Variants in NBEA observed in about 807,000 individuals in gnomAD.
NBEA encodes the protein neurobeachin.
Under a neutral mutation model 343.4 loss-of-function variants are expected in NBEA, and 44 were observed. The ratio of observed to expected loss-of-function variants is 0.13; its 90% confidence interval spans 0.10 to 0.16. NBEA has a LOEUF of 0.16. Ranked by LOEUF, NBEA falls within the 10% of genes least tolerant of loss-of-function variation. The pLI, the probability that NBEA is intolerant of heterozygous loss-of-function variation, is 1.00. For missense variants in NBEA, 2,555 were observed against 3,631.3 expected (o/e 0.70, Z 7.62); for synonymous variants, 1,175 against 1,238.7 (o/e 0.95, Z 1.08).
At chr13:35,598,884 C>G (rs528858743) in intron 47 of NBEA, among the ~76,000 whole-genome samples, 3 of 152,278 alleles carry the variant, frequency 2.0e-5, no homozygotes, top group Admixed American at 6.5e-5. Flanking sequence ...AGAGAGTGTT[C>G]TAGGCCCTTC....
intron 41 of NBEA, among the ~76,000 whole-genome samples, chr13:35,501,096 A>G (rs1428284718): frequency 6.6e-6 from 1 of 152,116 alleles, no homozygotes; most frequent in Non-Finnish European, 1.5e-5. Context: ...TTTATCTAAA[A>G]TAACACTTTC....
At chr13:35,414,357 T>C (rs1566096231) in intron 38 of NBEA, among the ~76,000 whole-genome samples, 1 of 152,138 alleles carries the variant, frequency 6.6e-6, no homozygotes, top group Non-Finnish European at 1.5e-5. Context: ...ATTAGGTATA[T>C]CTCCTAATGC....
intron 48 of NBEA, among the ~76,000 whole-genome samples, chr13:35,609,034 T>A (rs1015101861): frequency 1.3e-5 from 2 of 152,202 alleles, no homozygotes; most frequent in Non-Finnish European, 2.9e-5. Flanking sequence ...TAATTGTCAA[T>A]CCAGACCTTA....
chr13:35,304,333 G>C (rs9543914), intron 35 of NBEA, among the ~76,000 whole-genome samples: 49,624 of 116,652 alleles, frequency 0.43, 8,290 homozygotes, highest in Middle Eastern at 0.6. Flanking sequence ...GCAATTCTCT[G>C]TGTGTGTGTG....
intron 11 of NBEA, among the ~76,000 whole-genome samples, chr13:35,105,559 T>C (rs1169064304): frequency 6.6e-6 from 1 of 152,030 alleles, no homozygotes; most frequent in African/African-American, 2.4e-5. Context: ...TTTCTGTCAA[T>C]TACTGAGCAA....
chr13:35,299,279 A>G (rs891686781), intron 35 of NBEA, among the ~76,000 whole-genome samples: 6 of 152,156 alleles, frequency 3.9e-5, no homozygotes, highest in Admixed American at 3.9e-4. Context: ...CAAAACTTTT[A>G]TGATGGATTG....
chr13:35,521,201 CATT>C (rs1171689611), intron 41 of NBEA, among the ~76,000 whole-genome samples: 3 of 151,760 alleles, frequency 2.0e-5, no homozygotes, highest in Admixed American at 6.6e-5. Context: ...ATATTATAGT[CATT>C]ACTATTAATT....
chr13:35,476,660 A>T (rs550316044), intron 41 of NBEA: 1 of 585,136 alleles, frequency 1.7e-6, no homozygotes, highest in Non-Finnish European at 2.6e-6. Flanking sequence ...GCGTGTGTAT[A>T]TGTCAGAAGA....
chr13:35,404,006 A>G (rs933573576), intron 38 of NBEA, among the ~76,000 whole-genome samples: 4 of 112,968 alleles, frequency 3.5e-5, no homozygotes, highest in Non-Finnish European at 8.2e-5. Flanking sequence ...AAAAATGCTC[A>G]TCATCACTGG....
chr13:35,254,611 C>G (rs551413945), intron 34 of NBEA, among the ~76,000 whole-genome samples: 1 of 151,880 alleles, frequency 6.6e-6, no homozygotes, highest in Non-Finnish European at 1.5e-5. Context: ...CATGAGCCAC[C>G]GTGCCAGGCC....
At position 35,048,670 on chromosome 13, in the gene NBEA, A is replaced by T; in HGVS notation, c.831A>T (p.Lys277Asn). Residue 277 changes from lysine (K) to asparagine (N), a missense_variant, in exon 5 of 59, where the codon AAA (lysine) becomes AAT (asparagine). Physicochemically the swap from Lys to Asn is moderately conservative, Grantham distance 94. Coordinates refer to ENST00000379939, the MANE Select transcript of NBEA (RefSeq NM_001385012.1). ...ATAATATTAATGTTGATAAGGATAAACCTTATCTTTATTGGTAAGTAATAT... is the reference window on the plus strand; with the variant it reads ...ATAATATTAATGTTGATAAGGATAATCCTTATCTTTATTGGTAAGTAATAT... ...PLNNINVDKD[K>N]PYLYCFRTSK... 7.4e-7 allele frequency: 1 copy of T among 1,345,022 alleles called. No individual in the cohort carries two copies. The highest frequency in any genetic ancestry group is 1.0e-6 in the Non-Finnish European group (1 of 957,022). 83.3% of individuals were successfully genotyped at this position (1,345,022 alleles called of 1,614,324 possible).
At chr13:35,352,980 T>C (rs2040270557) in intron 38 of NBEA, among the ~76,000 whole-genome samples, 3 of 152,180 alleles carry the variant, frequency 2.0e-5, no homozygotes, top group Admixed American at 2.0e-4. Context: ...GTGAAACAGG[T>C]CACTATATTT....
intron 38 of NBEA, among the ~76,000 whole-genome samples, chr13:35,371,040 ATTCT>A: frequency 6.6e-6 from 1 of 151,928 alleles, no homozygotes; most frequent in South Asian, 2.1e-4. Context: ...TGTTTTTTGA[ATTCT>A]TTCTTTGTCT....
intron 33 of NBEA, among the ~76,000 whole-genome samples, chr13:35,227,257 C>T (rs2074707921): frequency 6.6e-6 from 1 of 151,888 alleles, no homozygotes; most frequent in South Asian, 2.1e-4. Flanking sequence ...TACATTTACT[C>T]ATCAGCTATT....
chr13:35,024,770 C>G (rs951204473), intron 1 of NBEA, among the ~76,000 whole-genome samples: 4 of 152,124 alleles, frequency 2.6e-5, no homozygotes, highest in Non-Finnish European at 5.9e-5. Context: ...TCCACAGTAG[C>G]TGAACTAATT....
intron 40 of NBEA, among the ~76,000 whole-genome samples, chr13:35,464,220 T>C (rs1402251339): frequency 6.6e-6 from 1 of 152,198 alleles, no homozygotes; most frequent in African/African-American, 2.4e-5. Context: ...TGAGCTCTAA[T>C]CTTTGATTCC....
chr13:35,252,665 A>T (rs9593029), intron 34 of NBEA, among the ~76,000 whole-genome samples: 42,752 of 151,972 alleles, frequency 0.28, 6,915 homozygotes, highest in African/African-American at 0.44. Flanking sequence ...CCTCAGTTTT[A>T]CTAGCTGTCC....
intron 36 of NBEA, among the ~76,000 whole-genome samples, chr13:35,313,439 T>C (rs1001900013): frequency 3.9e-5 from 6 of 152,218 alleles, no homozygotes; most frequent in African/African-American, 9.6e-5. Context: ...ATTTGCCCTG[T>C]TAAATGAATA....
chr13:35,475,374 T>C (rs1269591129), intron 41 of NBEA: 8 of 1,613,762 alleles, frequency 5.0e-6, no homozygotes, highest in Non-Finnish European at 6.8e-6. Flanking sequence ...CCCTTAAGGT[T>C]TTGAGGATGG....
Sources: gnomAD v4.1 joint callset for allele counts (sites outside exome capture counted in the v4.1 genomes callset) on GRCh38, gnomAD v4.1.1 for gene constraint, MANE v1.5 for transcripts, NCBI Gene and HGNC (gene_info 2026-07-23, HGNC 2026-07-21) for gene names.